CEP162: variants seen among roughly 807,000 people sequenced by gnomAD.
The protein encoded by CEP162 is centrosomal protein of 162 kDa.
CEP162 carries 141 observed loss-of-function variants against 169.2 expected under a neutral mutation model. The ratio of observed to expected loss-of-function variants is 0.83; its 90% confidence interval spans 0.73 to 0.96. CEP162 has a LOEUF of 0.96. CEP162 is among the 40% of genes least tolerant of loss of function. The probability of loss-of-function intolerance (pLI) is 0.00; values close to 1 mark genes in which losing one functional copy is unlikely to be tolerated. For synonymous variants in CEP162, 540 were observed against 526.4 expected (o/e 1.03, Z -0.35); for missense variants, 1,600 against 1,587.2 (o/e 1.01, Z -0.14).
intron 10 of CEP162, among the ~76,000 whole-genome samples, 182 bp from the exon 11 acceptor site, chr6:84,193,872 A>C (rs1439665312): frequency 6.6e-6 from 1 of 152,194 alleles, no homozygotes; most frequent in Non-Finnish European, 1.5e-5. Context: ...TGAAATATCA[A>C]ATAAATATCT....
chr6:84,204,160 AGGCTGTT>A, intron 6 of CEP162, 64 bp from the exon 7 acceptor site: 2 of 961,452 alleles, frequency 2.1e-6, no homozygotes, highest in Non-Finnish European at 3.2e-6. Context: ...TTCCAGGAAA[AGGCTGTT>A]GATTTCGAAA....
chr6:84,186,834 T>C (rs1008293971), intron 11 of CEP162, among the ~76,000 whole-genome samples: 3 of 152,190 alleles, frequency 2.0e-5, no homozygotes, highest in Admixed American at 6.5e-5. Context: ...ATAATTTTAA[T>C]GCAGTATAAT....
intron 2 of CEP162, among the ~76,000 whole-genome samples, chr6:84,221,672 T>A (rs2099553773): frequency 6.6e-6 from 1 of 152,050 alleles, no homozygotes; most frequent in African/African-American, 2.4e-5. Context: ...ACTCTTCCAA[T>A]CCAATTTTTA....
chr6:84,212,964 T>C lies in CEP162; in HGVS notation c.564A>G (p.Glu188=). ...DEHENESKHE[E]LAENYSDDFE... Reference sequence around the variant, plus strand: ...AAGAACCAATGAAATTACCTGCCAGTTCTTCATGTTTCGATTCATTCTCAT... The same window carrying C: ...AAGAACCAATGAAATTACCTGCCAGCTCTTCATGTTTCGATTCATTCTCAT... Residue 188 remains glutamate (E), a synonymous_variant, in exon 6 of 27, where the codon GAA becomes GAG. Transcript: ENST00000403245. 6.5e-7 allele frequency: 1 copy of C among 1,542,142 alleles called. No homozygotes were observed. The highest frequency in any genetic ancestry group is 8.8e-7 in the Non-Finnish European group (1 of 1,137,554).
intron 25 of CEP162, among the ~76,000 whole-genome samples, chr6:84,134,951 CACACAT>C (rs1232826445): frequency 3.3e-5 from 5 of 149,994 alleles, no homozygotes; most frequent in Non-Finnish European, 5.9e-5. Context: ...CACACACACA[CACACAT>C]ATATAGTGTT....
chr6:84,170,361 G>T (rs1486953095), intron 17 of CEP162, among the ~76,000 whole-genome samples: 1 of 115,428 alleles, frequency 8.7e-6, no homozygotes, highest in Non-Finnish European at 1.6e-5. Flanking sequence ...GTGACAGAGC[G>T]AGACTCCGTC....
Position 84,219,247 on chromosome 6 carries a change from C to T in CEP162, c.172+1810G>A, listed in dbSNP as rs190187468. 760 of 930,814 alleles carry T rather than the reference C, an allele frequency of 8.2e-4. 2 individuals are homozygous for T. The highest frequency in any genetic ancestry group is 1.1e-3 in the Non-Finnish European group (699 of 652,172). 57.7% of individuals were successfully genotyped at this position (930,814 alleles called of 1,614,324 possible). On this transcript the variant is annotated intron_variant, in intron 3 of 26. Coordinates refer to ENST00000403245, the MANE Select transcript of CEP162 (RefSeq NM_014895.4). ...TTAGAACATAATACAAACTCAGTAA[C>T]CGTTTGCTTGAATCAGGGACCAGGT...
chr6:84,174,995 T>G, intron 14 of CEP162, 41 bp from the exon 15 acceptor site: 1 of 1,318,420 alleles, frequency 7.6e-7, no homozygotes, highest in Non-Finnish European at 1.1e-6. Flanking sequence ...TAGACTTATG[T>G]ATAAGATTTG....
chr6:84,124,956 T>C lies in CEP162; in HGVS notation c.*114A>G. The C allele has an allele frequency of 2.5e-5, 20 of 798,484 alleles. 1 individual carries two copies. In the South Asian group the frequency reaches 3.2e-4, roughly 13 times the overall value. 49.5% of individuals were successfully genotyped at this position (798,484 alleles called of 1,614,324 possible). ...TATTTTGAAATGTTGCTTTGGTTGT[T>C]TGCTTTCTGGAAACATATTGGAACA... is the stretch of plus-strand genomic sequence containing the variant. On this transcript the variant is annotated 3_prime_UTR_variant, in exon 27 of 27. Transcript: ENST00000403245.
chr6:84,149,867 T>C (rs928803885), intron 23 of CEP162, among the ~76,000 whole-genome samples, 164 bp from the exon 24 acceptor site: 1 of 152,196 alleles, frequency 6.6e-6, no homozygotes, highest in Admixed American at 6.6e-5. Flanking sequence ...CTACTGCCTA[T>C]GAGTTCTTAT....
At chr6:84,159,372 A>G (rs1422682010) in intron 21 of CEP162, among the ~76,000 whole-genome samples, 1 of 150,302 alleles carries the variant, frequency 6.7e-6, no homozygotes, top group Non-Finnish European at 1.5e-5. Flanking sequence ...GTTATCTAAT[A>G]AAGAAGTAGC....
intron 22 of CEP162, among the ~76,000 whole-genome samples, chr6:84,153,988 G>A (rs1173549245): frequency 1.3e-5 from 2 of 152,200 alleles, no homozygotes; most frequent in Non-Finnish European, 2.9e-5. Context: ...ATTTATGTTC[G>A]GTCTTGAGAG....
chr6:84,189,540 T>C (rs1356816612), intron 11 of CEP162, among the ~76,000 whole-genome samples: 4 of 152,046 alleles, frequency 2.6e-5, no homozygotes, highest in Admixed American at 2.6e-4. Flanking sequence ...GTGTACTGAG[T>C]CCCCCAGCAG....
intron 25 of CEP162, among the ~76,000 whole-genome samples, chr6:84,140,767 C>A (rs1459376712): frequency 6.6e-6 from 1 of 152,144 alleles, no homozygotes; most frequent in Non-Finnish European, 1.5e-5. Context: ...TTGGGAGATC[C>A]TCTCACCTCA....
In CEP162 at chr6:84,176,116, A is replaced by G. The variant is rs749945632; in HGVS notation, c.1664-769T>C. On this transcript the variant is annotated intron_variant, in intron 13 of 26. Coordinates refer to ENST00000403245, the MANE Select transcript of CEP162 (RefSeq NM_014895.4). ...ACAGGTCCTGAGTTCAATAAACAAT[A>G]TCTGATTGCTTTAGAGATAAATTAA... Among the ~76,000 whole-genome samples the G allele has an allele frequency of 2.6e-5, 4 of 152,296 alleles. No individual in the cohort carries two copies. The South Asian group carries it at 8.3e-4, about 32-fold the overall frequency.
chr6:84,128,985 T>G (rs1301418972), intron 25 of CEP162, among the ~76,000 whole-genome samples: 3 of 152,196 alleles, frequency 2.0e-5, no homozygotes, highest in Non-Finnish European at 4.4e-5. Flanking sequence ...AATGATGGTT[T>G]CCAGCTTCAT....
rs146084191 is a variant in CEP162, at chr6:84,196,101, G to A, written c.836-1026C>T. Among the ~76,000 whole-genome samples the A allele has an allele frequency of 3.3e-5, 5 of 152,184 alleles. No individual in the cohort carries two copies. In the East Asian group the frequency reaches 5.8e-4, roughly 18 times the overall value. On this transcript the variant is annotated intron_variant, in intron 9 of 26. Transcript: ENST00000403245. ...TAGCCTTCTGATATGGTTTGGCTGT[G>A]TCCCCACCCAAATCTCATCTTAAAT...
intron 23 of CEP162, among the ~76,000 whole-genome samples, chr6:84,150,095 T>C (rs1046621370): frequency 6.6e-6 from 1 of 152,152 alleles, no homozygotes; most frequent in East Asian, 1.9e-4. Flanking sequence ...GAATCTCCAA[T>C]GCCTTGTAGG....
chr6:84,156,978 G>A (rs1181097970), intron 21 of CEP162, among the ~76,000 whole-genome samples: 2 of 151,944 alleles, frequency 1.3e-5, no homozygotes, highest in Admixed American at 6.6e-5. Context: ...CAGGGTGGGA[G>A]GGGGTGAGGG....
Sources: allele counts gnomAD v4.1 joint callset (sites outside exome capture counted in the v4.1 genomes callset), GRCh38; gene constraint gnomAD v4.1.1; transcripts MANE v1.5; gene names NCBI Gene and HGNC (gene_info 2026-07-23, HGNC 2026-07-21).